Variants in RBM6 observed in about 807,000 individuals in gnomAD.
RBM6 encodes the protein RNA-binding protein 6.
In RBM6, 23 loss-of-function variants were observed where a neutral mutation model predicts 140.4. That is an observed-to-expected ratio of 0.16 (90% CI 0.12 to 0.23). The LOEUF is 0.23. RBM6 is among the 10% of genes least tolerant of loss of function. RBM6 has a pLI of 1.00. For missense variants in RBM6, 1,139 were observed against 1,386.7 expected (o/e 0.82, Z 2.84); for synonymous variants, 439 against 475.6 (o/e 0.92, Z 1.00).
intron 6 of RBM6, among the ~76,000 whole-genome samples, chr3:50,004,680 T>C (rs1335111543): frequency 6.6e-6 from 1 of 151,970 alleles, no homozygotes; most frequent in East Asian, 1.9e-4. Flanking sequence ...AGTACAGTGG[T>C]ACGATGAGAG....
intron 8 of RBM6, among the ~76,000 whole-genome samples, chr3:50,057,220 T>G (rs1187426213): frequency 6.6e-6 from 1 of 152,214 alleles, no homozygotes; most frequent in Non-Finnish European, 1.5e-5. Context: ...TCATGTCCTG[T>G]CTCAGCTTCA....
chr3:50,061,323 G>A, intron 13 of RBM6, 102 bp downstream of exon 13: 1 of 1,594,774 alleles, frequency 6.3e-7, no homozygotes, highest in Non-Finnish European at 8.5e-7. Context: ...ACTGTTGACT[G>A]AGGGTGCTCA....
At chr3:50,017,599 G>C (rs2087241112) in intron 6 of RBM6, among the ~76,000 whole-genome samples, 1 of 151,760 alleles carries the variant, frequency 6.6e-6, no homozygotes, top group South Asian at 2.1e-4. Flanking sequence ...GTCTATTCAG[G>C]TCCTTTGCCC....
At chr3:49,996,503 A>G (rs1046203988) in intron 5 of RBM6, among the ~76,000 whole-genome samples, 4 of 152,216 alleles carry the variant, frequency 2.6e-5, no homozygotes, top group Non-Finnish European at 2.9e-5. Flanking sequence ...AAAATATACT[A>G]TATCAAGTAT....
intron 6 of RBM6, among the ~76,000 whole-genome samples, chr3:50,040,742 G>T (rs910166755): frequency 6.7e-6 from 1 of 150,300 alleles, no homozygotes; most frequent in Admixed American, 6.7e-5. Context: ...CTGCAGCCTC[G>T]ACCTCACAGG....
At chr3:49,950,015 C>A (rs1030970419) in intron 1 of RBM6, among the ~76,000 whole-genome samples, 2 of 152,080 alleles carry the variant, frequency 1.3e-5, no homozygotes, top group African/African-American at 4.8e-5. Flanking sequence ...GAGCCACTGG[C>A]CCAGACTACA....
chr3:50,021,740 C>CTTTTT (rs542734328), intron 6 of RBM6, among the ~76,000 whole-genome samples: 1,418 of 42,764 alleles, frequency 0.033, 445 homozygotes, highest in East Asian at 0.085. Flanking sequence ...AATTTAAGTG[C>CTTTTT]TTTTTTTTTT....
At chr3:49,983,611 T>A (rs1436513159) in intron 5 of RBM6, among the ~76,000 whole-genome samples, 2 of 152,226 alleles carry the variant, frequency 1.3e-5, no homozygotes. Context: ...CACTTTTAGT[T>A]TCTTAGGGAA....
chr3:50,058,001 A>G lies in RBM6; in HGVS notation c.1967A>G (p.Lys656Arg), dbSNP rs1559641172. 1.2e-6 allele frequency: 2 copies of G among 1,612,636 alleles called. No individual in the cohort carries two copies. Among genetic ancestry groups the G allele is most frequent in the Non-Finnish European group, 1.7e-6 (2 of 1,179,576 alleles). ...SGETRQDGES[K>R]TIMLKRIYRS... ...GAGACACGCCAGGATGGAGAGAGCA[A>G]AAGTAAGTAGTTTGTCAGGGCACAT... is the stretch of plus-strand genomic sequence containing the variant. Residue 656 changes from lysine to arginine, a missense_variant and splice_region_variant, in exon 9 of 21, where the codon AAA (lysine) becomes AGA (arginine). Coordinates refer to ENST00000266022, the MANE Select transcript of RBM6 (RefSeq NM_005777.3).
At chr3:49,958,291 C>T (rs572373894) in intron 1 of RBM6, among the ~76,000 whole-genome samples, 1 of 152,072 alleles carries the variant, frequency 6.6e-6, no homozygotes, top group Admixed American at 6.6e-5. Context: ...TGCGGTGGCT[C>T]ACGCCTGTAA....
rs1170626406 is a variant in RBM6, at chr3:49,967,526, C to T, written c.101C>T (p.Pro34Leu). The T allele has an allele frequency of 6.2e-7, 1 of 1,614,128 alleles. No individual in the cohort carries two copies. The highest frequency in any genetic ancestry group is 8.5e-7 in the Non-Finnish European group (1 of 1,180,028). ...TGGAACAGGGATTATCCTCCTCCTCCCCTTAAGAGTCATGCTCAAGAGAGA... is the reference window on the plus strand; with the variant it reads ...TGGAACAGGGATTATCCTCCTCCTCTCCTTAAGAGTCATGCTCAAGAGAGA... ...PGWNRDYPPP[P>L]LKSHAQERHS... Residue 34 changes from proline (P) to leucine (L), a missense_variant, in exon 3 of 21, where the codon CCC becomes CTC. Coordinates refer to ENST00000266022, the MANE Select transcript of RBM6 (RefSeq NM_005777.3). The surrounding 1 kb of genome is among the most constrained non-coding windows in gnomAD (Gnocchi z 4.0).
chr3:49,992,034 T>A (rs953507338), intron 5 of RBM6, among the ~76,000 whole-genome samples: 1 of 151,994 alleles, frequency 6.6e-6, no homozygotes, highest in Non-Finnish European at 1.5e-5. Context: ...TCACTGCAGC[T>A]TCAACCTCCC....
chr3:49,975,826 C>T (rs1447087456), intron 5 of RBM6, among the ~76,000 whole-genome samples: 2 of 152,054 alleles, frequency 1.3e-5, no homozygotes, highest in East Asian at 3.9e-4. Context: ...GTTTAATTTT[C>T]AGTTTTGCTT....
At chr3:50,058,119 C>A in intron 9 of RBM6, 116 bp downstream of exon 9, 1 of 1,285,970 alleles carries the variant, frequency 7.8e-7, no homozygotes, top group Admixed American at 2.5e-5. Flanking sequence ...CTGTGCATGA[C>A]CTGATGACAG....
chr3:50,046,271 A>T (rs1348084209), intron 6 of RBM6, among the ~76,000 whole-genome samples: 2 of 124,560 alleles, frequency 1.6e-5, no homozygotes, highest in Non-Finnish European at 3.3e-5. Context: ...ACAGAGCAAG[A>T]CTCTGTCTCA....
chr3:50,065,566 GC>G (rs2090096233), intron 16 of RBM6: 1 of 457,354 alleles, frequency 2.2e-6, no homozygotes, highest in South Asian at 1.5e-5. Context: ...TAATATTGGT[GC>G]CCATTTTTTA....
At chr3:49,950,467 A>G (rs985992054) in intron 1 of RBM6, among the ~76,000 whole-genome samples, 1 of 152,120 alleles carries the variant, frequency 6.6e-6, no homozygotes, top group African/African-American at 2.4e-5. Flanking sequence ...TCAAGAGTGA[A>G]AGGCAAGGCC....
intron 15 of RBM6, 59 bp downstream of exon 15, chr3:50,062,167 A>G: frequency 1.3e-6 from 2 of 1,564,090 alleles, no homozygotes; most frequent in Non-Finnish European, 1.7e-6. Flanking sequence ...TGTTGGAGGT[A>G]CGAACAGAGG....
At position 50,058,473 on chromosome 3, in the gene RBM6, C is replaced by T. The variant is rs768948061; in HGVS notation, c.2041C>T (p.Arg681Cys). ...AGTGGAAGTGCTGGAGCCCTATGTC[C>T]GCCTTACTACTGCCAACGTCCGTAT... Reference protein sequence around the residue: ...VIVEVLEPYVRLTTANVRIIK... With the variant: ...VIVEVLEPYVCLTTANVRIIK... The change falls in exon 10 of 21, where the codon CGC (arginine) becomes TGC (cysteine). Residue 681 changes from arginine to cysteine, a missense_variant. Physicochemically the swap from Arg to Cys is radical, Grantham distance 180. This residue lies in a region of RBM6 where 47 missense variants were observed against 117.6 expected (regional missense o/e 0.40). Coordinates refer to ENST00000266022, the MANE Select transcript of RBM6 (RefSeq NM_005777.3). 4.4e-6 allele frequency: 7 copies of T among 1,605,828 alleles called. No individual in the cohort carries two copies. The highest frequency in any genetic ancestry group is 1.7e-5 in the Admixed American group (1 of 60,002).
Sources: gnomAD v4.1 joint callset for allele counts (sites outside exome capture counted in the v4.1 genomes callset) on GRCh38, gnomAD v4.1.1 for gene constraint, gnomAD v4.1.1 regional missense constraint, Gnocchi (gnomAD v3.1) non-coding constraint, MANE v1.5 for transcripts, NCBI Gene and HGNC (gene_info 2026-07-23, HGNC 2026-07-21) for gene names.